NFE2L1: variants seen among roughly 807,000 people sequenced by gnomAD.
The protein encoded by NFE2L1 is endoplasmic reticulum membrane sensor NFE2L1.
In NFE2L1, 18 loss-of-function variants were observed where a neutral mutation model predicts 61.6. The ratio of observed to expected loss-of-function variants is 0.29; its 90% CI spans 0.20 to 0.43. The LOEUF is 0.43. Ranked by LOEUF, NFE2L1 falls within the 20% of genes least tolerant of loss-of-function variation. NFE2L1 has a pLI of 1.00. For synonymous variants in NFE2L1, 419 were observed against 402.7 expected (o/e 1.04, Z -0.48); for missense variants, 827 against 973.5 (o/e 0.85, Z 2.00).
Position 48,051,071 on chromosome 17 carries a change from T to C in NFE2L1, c.-48T>C. 2.5e-6 allele frequency: 4 copies of C among 1,612,656 alleles called. No individual in the cohort carries two copies. Among genetic ancestry groups the C allele is most frequent in the Non-Finnish European group, 3.4e-6 (4 of 1,179,416 alleles). On this transcript the variant is annotated 5_prime_UTR_variant, in exon 2 of 6. Transcript: ENST00000362042. Reference sequence around the variant, plus strand: ...AGAGCAGTGGCCTTGATTTGTCTTTTGGAAGATTTTAAAAACCAAAAAGCA... The same window carrying C: ...AGAGCAGTGGCCTTGATTTGTCTTTCGGAAGATTTTAAAAACCAAAAAGCA...
chr17:48,057,228 T>C, intron 4 of NFE2L1, 107 bp downstream of exon 4: 1 of 1,588,588 alleles, frequency 6.3e-7, no homozygotes, highest in Non-Finnish European at 8.6e-7. Flanking sequence ...TTATTCTGGC[T>C]GCTGGGGGTA....
intron 2 of NFE2L1, chr17:48,054,799 A>C: frequency 7.5e-7 from 1 of 1,329,648 alleles, no homozygotes; most frequent in Non-Finnish European, 9.6e-7. Context: ...GCCTGAGTGG[A>C]ACTGGGGTTG....
At chr17:48,051,651 T>C (rs769806540) in intron 2 of NFE2L1, 23 bp downstream of exon 2, 7 of 1,592,154 alleles carry the variant, frequency 4.4e-6, no homozygotes. Flanking sequence ...GTGGTGGGTG[T>C]GTGGGGCCTG....
chr17:48,055,773 C>T (rs1470257474), intron 2 of NFE2L1, among the ~76,000 whole-genome samples: 2 of 152,006 alleles, frequency 1.3e-5, no homozygotes, highest in Middle Eastern at 3.2e-3. Flanking sequence ...GGGTGTTCAG[C>T]CTTACTCTTG....
intron 2 of NFE2L1, among the ~76,000 whole-genome samples, chr17:48,052,535 T>A (rs2037280517): frequency 6.6e-6 from 1 of 152,174 alleles, no homozygotes. Context: ...GTAAAAAGTT[T>A]TACAGATGTT....
At chr17:48,053,950 A>G (rs543292498) in intron 2 of NFE2L1, among the ~76,000 whole-genome samples, 71 of 152,144 alleles carry the variant, frequency 4.7e-4, no homozygotes, top group Non-Finnish European at 6.9e-4. Context: ...AGGCTTGGCC[A>G]GCACTGTGAC....
intron 2 of NFE2L1, among the ~76,000 whole-genome samples, chr17:48,052,107 C>T (rs2037267694): frequency 6.6e-6 from 1 of 152,166 alleles, no homozygotes; most frequent in South Asian, 2.1e-4. Flanking sequence ...CCTCCTGGGC[C>T]TGAGCCAAAG....
intron 3 of NFE2L1, 21 bp downstream of exon 3, chr17:48,056,619 TG>T (rs995116596): frequency 1.4e-5 from 23 of 1,610,062 alleles, no homozygotes; most frequent in Middle Eastern, 2.1e-4. Flanking sequence ...CCCTGCTCAC[TG>T]GGCTCTCTTC....
chr17:48,058,816 CTCT>C lies in NFE2L1; in HGVS notation c.1500_1502del (p.Ser509del), dbSNP rs775474265. On this transcript the variant is annotated inframe_deletion, in exon 6 of 6. Transcript: ENST00000362042. ...TAAGCAGCTCTGAAGGCAGTTCTTC[CTCT>C]TCTTCCTCCTCCTCTTCCTCTTCTT... The C allele has an allele frequency of 1.7e-5, 27 of 1,614,006 alleles. No individual in the cohort carries two copies. Among genetic ancestry groups the C allele is most frequent in the Non-Finnish European group, 2.1e-5 (25 of 1,179,962 alleles).
At chr17:48,053,405 C>A (rs143421169) in intron 2 of NFE2L1, among the ~76,000 whole-genome samples, 19 of 152,252 alleles carry the variant, frequency 1.2e-4, no homozygotes, top group Non-Finnish European at 1.3e-4. Context: ...GTGTCTAGAA[C>A]AACATTTCCT....
intron 5 of NFE2L1, 103 bp downstream of exon 5, chr17:48,057,605 C>T: frequency 2.9e-6 from 4 of 1,402,528 alleles, no homozygotes; most frequent in Admixed American, 2.2e-5. Context: ...TAATACTTTC[C>T]CTGAATCATA....
At position 48,059,296 on chromosome 17, in the gene NFE2L1, C is replaced by T; in HGVS notation, c.1974C>T (p.Ile658=). 1 of 1,614,200 alleles carries T rather than the reference C, an allele frequency of 6.2e-7. No individual in the cohort carries two copies. The highest frequency in any genetic ancestry group is 8.5e-7 in the Non-Finnish European group (1 of 1,180,050). The part of the protein sequence containing the change: ...SEAQLSLIRD[I]RRRGKNKMAA... ...CCCAGCTGAGCCTCATCCGAGACAT[C>T]CGGCGCCGGGGCAAGAACAAGATGG... The change falls in exon 6 of 6, where the codon ATC becomes ATT. Residue 658 remains isoleucine, a synonymous_variant. Transcript: ENST00000362042. The surrounding 1 kb of genome is among the most constrained non-coding windows in gnomAD (Gnocchi z 6.1).
intron 5 of NFE2L1, 92 bp downstream of exon 5, chr17:48,057,594 G>A: frequency 6.9e-7 from 1 of 1,450,964 alleles, no homozygotes; most frequent in Non-Finnish European, 9.3e-7. Context: ...GAGAGAAAGT[G>A]TAATACTTTC....
rs2037484065 is a variant in NFE2L1, at chr17:48,059,175, C to T, written c.1853C>T (p.Ala618Val). Residue 618 changes from alanine to valine, a missense_variant, in exon 6 of 6, where the codon GCC becomes GTC. Ala to Val is a moderately conservative substitution (Grantham distance 64). Coordinates refer to ENST00000362042, the MANE Select transcript of NFE2L1 (RefSeq NM_003204.3). The surrounding 1 kb of genome is among the most constrained non-coding windows in gnomAD (Gnocchi z 6.1). ...CAGATGAGCCGGGATGAGCACCGAG[C>T]CCGAGCCATGAAGATCCCTTTCACC... ...DKQMSRDEHR[A>V]RAMKIPFTND... 1 of 1,614,042 alleles carries T rather than the reference C, an allele frequency of 6.2e-7. No individual in the cohort carries two copies. Among genetic ancestry groups the T allele is most frequent in the Non-Finnish European group, 8.5e-7 (1 of 1,180,026 alleles).
chr17:48,054,970 C>T lies in NFE2L1; in HGVS notation c.511-1416C>T, dbSNP rs965270638. ...GAAAGCCAAGAGCTCCTTGCAGCCC[C>T]CTGTCCGGCTTCCCGGCACCGGCTG... On this transcript the variant is annotated intron_variant, in intron 2 of 5. Coordinates refer to ENST00000362042, the MANE Select transcript of NFE2L1 (RefSeq NM_003204.3). The T allele has an allele frequency of 4.7e-6, 7 of 1,480,782 alleles. No individual in the cohort carries two copies. The East Asian group carries it at 1.9e-4, about 41-fold the overall frequency. The allele number at this position is 1,480,782 out of a possible 1,614,324, so 91.7% of individuals were successfully genotyped here.
At chr17:48,054,886 CCCT>C in intron 2 of NFE2L1, 2 of 1,364,970 alleles carry the variant, frequency 1.5e-6, no homozygotes. Flanking sequence ...GGGCGGGGCA[CCCT>C]CCTCAGGCCC....
chr17:48,051,629 G>T lies in NFE2L1; in HGVS notation c.510+1G>T. On this transcript the variant is annotated splice_donor_variant, in intron 2 of 5. Transcript: ENST00000362042. LOFTEE classifies it high-confidence loss of function. ...AGTCAGTGGAGACTTAACCAAAGAG[G>T]TTAGTGGACCTGTGGTGGGTGTGTG... 1.2e-6 allele frequency: 2 copies of T among 1,605,852 alleles called. No individual in the cohort carries two copies. The highest frequency in any genetic ancestry group is 8.5e-7 in the Non-Finnish European group (1 of 1,175,534).
intron 2 of NFE2L1, chr17:48,054,720 CGGAGCATG>C: frequency 3.1e-6 from 4 of 1,292,494 alleles, no homozygotes; most frequent in Non-Finnish European, 3.9e-6. Flanking sequence ...AGCTTGAGCA[CGGAGCATG>C]GGGTGGGAGT....
chr17:48,056,934 G>GA, intron 3 of NFE2L1, 98 bp from the exon 4 acceptor site: 2 of 1,224,680 alleles, frequency 1.6e-6, no homozygotes, highest in Non-Finnish European at 2.3e-6. Flanking sequence ...CTGGGAATGG[G>GA]AGGGAGACTG....
Sources: gnomAD v4.1 joint callset for allele counts (sites outside exome capture counted in the v4.1 genomes callset) on GRCh38, gnomAD v4.1.1 for gene constraint, Gnocchi (gnomAD v3.1) non-coding constraint, MANE v1.5 for transcripts, NCBI Gene and HGNC (gene_info 2026-07-23, HGNC 2026-07-21) for gene names.